The following OPRM1 variants were observed in gnomAD, a reference collection of about 807,000 sequenced individuals.
The protein encoded by OPRM1 is opioid receptor mu 1.
In OPRM1, 27 loss-of-function variants were observed where a neutral mutation model predicts 31.8. The observed-to-expected ratio is 0.85, with a 90% CI of 0.63 to 1.17. The LOEUF is 1.17. OPRM1 is among the 50% of genes most tolerant of loss of function. The pLI, the probability that OPRM1 is intolerant of heterozygous loss-of-function variation, is 0.00. For synonymous variants in OPRM1, 196 were observed against 189.9 expected (o/e 1.03, Z -0.26); for missense variants, 536 against 511.1 (o/e 1.05, Z -0.47).
intron 1 of OPRM1, chr6:154,087,306 T>C: frequency 1.0e-6 from 1 of 985,432 alleles, no homozygotes; most frequent in Non-Finnish European, 1.2e-6. Flanking sequence ...CCAAAACACT[T>C]TCCTGGACAC....
At chr6:154,026,279 T>C (rs12201572) in intron 1 of OPRM1, among the ~76,000 whole-genome samples, 13,490 of 152,150 alleles carry the variant, frequency 0.089, 1,066 homozygotes, top group African/African-American at 0.21. Context: ...CCTGTAAAGT[T>C]TCCACTGAAA....
intron 3 of OPRM1, among the ~76,000 whole-genome samples, chr6:154,150,793 C>T (rs1052821271): frequency 6.6e-6 from 1 of 152,246 alleles, no homozygotes; most frequent in Non-Finnish European, 1.5e-5. Context: ...AATTCTGTCA[C>T]TCTTGTACCT....
intron 1 of OPRM1, among the ~76,000 whole-genome samples, chr6:154,080,067 G>T (rs1408045873): frequency 6.6e-6 from 1 of 152,016 alleles, no homozygotes; most frequent in Non-Finnish European, 1.5e-5. Flanking sequence ...TATTTTTATT[G>T]ATATTTTACA....
intron 3 of OPRM1, among the ~76,000 whole-genome samples, chr6:154,234,723 A>C (rs1190348318): frequency 6.6e-6 from 1 of 152,236 alleles, no homozygotes; most frequent in Non-Finnish European, 1.5e-5. Context: ...GAAAGAGGGA[A>C]AGGGCTCTGA....
Position 154,158,076 on chromosome 6 carries a change from C to T in OPRM1, c.1164+66604C>T, listed in dbSNP as rs6918924. The T allele has an allele frequency of 1.5e-3, 227 of 152,302 alleles. 3 individuals carry two copies. Among genetic ancestry groups the T allele is most frequent in the African/African-American group, 5.3e-3 (220 of 41,548 alleles). The allele number at this position is 152,302 out of a possible 1,614,324, so 9.4% of individuals were successfully genotyped here. A position where few individuals can be genotyped will look rare whatever the true frequency, so the allele number is the denominator to read the frequency against. On this transcript the variant is annotated intron_variant, in intron 3 of 3. Transcript: ENST00000337049. ...TGTTTTTTGTTTTTATTTCTTAATG[C>T]TAAGGTTGTTTTTTGTTTGTTTGTT...
Position 154,168,242 on chromosome 6 carries a change from A to C in OPRM1, c.1164+76770A>C. On this transcript the variant is annotated intron_variant, in intron 3 of 3. Coordinates refer to the OPRM1 transcript ENST00000337049. The surrounding 1 kb of genome is among the most constrained non-coding windows in gnomAD (Gnocchi z 4.1). ...CATCTCAGACTTCTCTCCGGAACTG[A>C]AAGACAATAAATGTTTGCTGTCTAA... The C allele has an allele frequency of 1.5e-6, 1 of 647,006 alleles. No individual in the cohort carries two copies. Among genetic ancestry groups the C allele is most frequent in the Non-Finnish European group, 2.5e-6 (1 of 398,524 alleles). 40.1% of individuals were successfully genotyped at this position (647,006 alleles called of 1,614,324 possible). A position where few individuals can be genotyped will look rare whatever the true frequency, so the allele number is the denominator to read the frequency against.
chr6:154,139,873 C>CTG (rs1798152390), intron 3 of OPRM1, among the ~76,000 whole-genome samples: 3 of 152,068 alleles, frequency 2.0e-5, no homozygotes, highest in Non-Finnish European at 2.9e-5. Context: ...ACCAAGATGA[C>CTG]CAGAAAAAAG....
chr6:154,190,311 C>G (rs1801756674), intron 3 of OPRM1, among the ~76,000 whole-genome samples: 1 of 151,862 alleles, frequency 6.6e-6, no homozygotes, highest in South Asian at 2.1e-4. Context: ...CAACAGATAC[C>G]TCACCAAAGA....
At chr6:154,054,783 T>C (rs927858345) in intron 1 of OPRM1, among the ~76,000 whole-genome samples, 3 of 152,220 alleles carry the variant, frequency 2.0e-5, no homozygotes, top group African/African-American at 7.2e-5. Flanking sequence ...CTTGAGAGGA[T>C]GCATACCCCA....
chr6:154,211,337 A>C (rs893996049), intron 3 of OPRM1, among the ~76,000 whole-genome samples: 2 of 151,820 alleles, frequency 1.3e-5, no homozygotes, highest in African/African-American at 2.4e-5. Context: ...TGAACCTGGG[A>C]GGCAGAGCTT....
intron 3 of OPRM1, among the ~76,000 whole-genome samples, chr6:154,142,067 A>C (rs1271580523): frequency 2.6e-5 from 4 of 152,104 alleles, no homozygotes; most frequent in Non-Finnish European, 4.4e-5. Context: ...GAAAAGATGC[A>C]AATAGCCCAA....
intron 3 of OPRM1, among the ~76,000 whole-genome samples, chr6:154,242,894 A>AAGAAG (rs1156780573): frequency 6.6e-5 from 10 of 151,952 alleles, no homozygotes; most frequent in African/African-American, 2.2e-4. Context: ...TCTCAAAGAA[A>AAGAAG]AGAAAAGAAA....
At chr6:154,140,043 C>T (rs748301308) in intron 3 of OPRM1, among the ~76,000 whole-genome samples, 1 of 152,170 alleles carries the variant, frequency 6.6e-6, no homozygotes, top group Non-Finnish European at 1.5e-5. Context: ...AAAACCAGAA[C>T]GGAGGGCCTG....
intron 3 of OPRM1, among the ~76,000 whole-genome samples, chr6:154,210,251 T>C (rs916630971): frequency 2.0e-5 from 3 of 152,206 alleles, no homozygotes; most frequent in East Asian, 1.9e-4. Context: ...CCTGAGATAC[T>C]AGTTTGCCAT....
intron 3 of OPRM1, chr6:154,110,513 C>T: frequency 1.3e-6 from 1 of 769,018 alleles, no homozygotes; most frequent in Non-Finnish European, 2.2e-6. Flanking sequence ...GTTTTTCATC[C>T]CATGGCTTAA....
intron 3 of OPRM1, among the ~76,000 whole-genome samples, chr6:154,215,305 A>G (rs1778300645): frequency 6.6e-6 from 1 of 152,114 alleles, no homozygotes. Context: ...ATTTTTGAAT[A>G]GAAAATATAT....
Position 154,039,741 on chromosome 6 carries a change from C to G in OPRM1, c.197C>G (p.Ser66Cys). 1 of 1,609,098 alleles carries G rather than the reference C, an allele frequency of 6.2e-7. No individual in the cohort carries two copies. Among genetic ancestry groups the G allele is most frequent in the Non-Finnish European group, 8.5e-7 (1 of 1,180,000 alleles). The change falls in exon 1 of 4, where the codon TCC (serine) becomes TGC (cysteine). Residue 66 changes from serine (S) to cysteine (C), a missense_variant. Ser to Cys is a moderately radical substitution (Grantham distance 112, BLOSUM62 -1). Coordinates refer to ENST00000330432, the MANE Select transcript of OPRM1 (RefSeq NM_000914.5). ...DSLCPPTGSP[S>C]MITAITIMAL... ...CTGTGCCCTCCGACCGGCAGTCCCT[C>G]CATGATCACGGCCATCACGATCATG...
chr6:154,180,415 T>TATATATATATATATATATATA (rs1491475267), intron 3 of OPRM1, among the ~76,000 whole-genome samples: 4 of 29,334 alleles, frequency 1.4e-4, no homozygotes, highest in African/African-American at 5.3e-4. Context: ...TATATATATA[T>TATATATATATATATATATATA]TTTTTTTTTA....
intron 3 of OPRM1, among the ~76,000 whole-genome samples, chr6:154,180,093 A>G (rs1800702923): frequency 6.6e-6 from 1 of 152,100 alleles, no homozygotes; most frequent in Middle Eastern, 3.2e-3. Context: ...ATAAAGCAGC[A>G]CTCTGTATTA....
Sources: gnomAD v4.1 joint callset for allele counts (sites outside exome capture counted in the v4.1 genomes callset) on GRCh38, gnomAD v4.1.1 for gene constraint, Gnocchi (gnomAD v3.1) non-coding constraint, MANE v1.5 for transcripts, NCBI Gene and HGNC (gene_info 2026-07-23, HGNC 2026-07-21) for gene names.